The following ALDH3B1 variants were observed in gnomAD, a reference collection of about 807,000 sequenced individuals.
The protein encoded by ALDH3B1 is aldehyde dehydrogenase 3 family member B1, also known as aldehyde dehydrogenase family 3 member B1.
A neutral mutation model predicts 46.2 loss-of-function variants in ALDH3B1; 37 were observed. The observed-to-expected ratio is 0.80, with a 90% CI of 0.62 to 1.05. ALDH3B1 has a LOEUF of 1.05. ALDH3B1 is among the 50% of genes least tolerant of loss of function. ALDH3B1 has a pLI of 0.00. For synonymous variants in ALDH3B1, 283 were observed against 281.0 expected (o/e 1.01, Z -0.07); for missense variants, 603 against 665.5 (o/e 0.91, Z 1.03).
At position 68,027,866 on chromosome 11, in the gene ALDH3B1, C is replaced by T. The variant is rs550673848; in HGVS notation, c.1334C>T (p.Pro445Leu). 23 of 1,561,566 alleles carry T rather than the reference C, an allele frequency of 1.5e-5. No individual in the cohort carries two copies. The highest frequency in any genetic ancestry group is 1.2e-4 in the East Asian group (5 of 41,786). The change falls in exon 10 of 10, where the codon CCG becomes CTG. Residue 445 changes from proline to leucine, a missense_variant. By Grantham distance (98) the Pro-to-Leu change is moderately conservative. Transcript: ENST00000342456. ...AAGCTCAACGCCCTCCGCTACCCGC[C>T]GCAATCGCCGCGCCGCCTGAGGATG... Reference protein sequence around the residue: ...MEKLNALRYPPQSPRRLRMLL... With the variant: ...MEKLNALRYPLQSPRRLRMLL...
intron 2 of ALDH3B1, 162 bp from the exon 3 acceptor site, chr11:68,018,365 C>T: frequency 1.6e-6 from 1 of 637,686 alleles, no homozygotes; most frequent in Non-Finnish European, 2.7e-6. Context: ...ACAGAGACAG[C>T]ACCTCACACA....
At chr11:68,020,320 G>A (rs977588578) in intron 6 of ALDH3B1, among the ~76,000 whole-genome samples, 5 of 152,000 alleles carry the variant, frequency 3.3e-5, no homozygotes, top group Non-Finnish European at 5.9e-5. Context: ...CAACCTCTGC[G>A]CCTCCTGGGT....
intron 8 of ALDH3B1, among the ~76,000 whole-genome samples, chr11:68,025,617 C>T (rs775048113): frequency 1.3e-5 from 2 of 152,182 alleles, no homozygotes; most frequent in Non-Finnish European, 2.9e-5. Context: ...TTCTGTCCCT[C>T]CCAGTCCCTC....
At chr11:68,014,622 G>A (rs1239130944) in intron 1 of ALDH3B1, among the ~76,000 whole-genome samples, 1 of 152,124 alleles carries the variant, frequency 6.6e-6, no homozygotes, top group Non-Finnish European at 1.5e-5. Context: ...CCACAGCCCC[G>A]GCAGGGTGGG....
At chr11:68,014,403 G>A (rs745662059) in intron 1 of ALDH3B1, among the ~76,000 whole-genome samples, 4 of 152,232 alleles carry the variant, frequency 2.6e-5, no homozygotes, top group Non-Finnish European at 4.4e-5. Context: ...AGGGAAGGAG[G>A]AAAGGGTCAC....
In ALDH3B1 at chr11:68,018,801, G is replaced by A. The variant is rs754742795; in HGVS notation, c.302G>A (p.Arg101Gln). Residue 101 changes from arginine to glutamine, a missense_variant, in exon 4 of 10, where the codon CGG becomes CAG. Arg to Gln is a conservative substitution (Grantham distance 43). Transcript: ENST00000342456. ...ACGCAGCTGGACTCCGCCTTCATCC[G>A]GAAGGAGCCCTTTGGCCTGGTCCTC... ...LATQLDSAFI[R>Q]KEPFGLVLII... The A allele has an allele frequency of 3.2e-5, 50 of 1,559,134 alleles. No homozygotes were observed. The South Asian group carries it at 4.6e-4, about 14-fold the overall frequency.
intron 6 of ALDH3B1, 78 bp from the exon 7 acceptor site, chr11:68,021,407 A>AG (rs1590778545): frequency 1.3e-6 from 2 of 1,542,026 alleles, no homozygotes; most frequent in East Asian, 4.5e-5. Context: ...CTCTCCAGGG[A>AG]GGAGCGGGGC....
chr11:68,021,529 C>T lies in ALDH3B1; in HGVS notation c.607C>T (p.His203Tyr), dbSNP rs1857492360. The stretch of plus-strand genomic sequence containing the variant: ...GATTGTTATGACTGCTGCCGCCAAG[C>T]ACCTGACACCTGTCACCCTGGAGCT... Reference protein sequence around the residue: ...GKIVMTAAAKHLTPVTLELGG... With the variant: ...GKIVMTAAAKYLTPVTLELGG... Residue 203 changes from histidine (H) to tyrosine (Y), a missense_variant, in exon 7 of 10, where the codon CAC (histidine) becomes TAC (tyrosine). Physicochemically the swap from His to Tyr is moderately conservative, Grantham distance 83. Transcript: ENST00000342456. 1 of 1,613,922 alleles carries T rather than the reference C, an allele frequency of 6.2e-7. No homozygotes were observed. Among genetic ancestry groups the T allele is most frequent in the East Asian group, 2.2e-5 (1 of 44,890 alleles).
At chr11:68,022,959 C>T (rs1402836242) in intron 8 of ALDH3B1, among the ~76,000 whole-genome samples, 198 bp downstream of exon 8, 1 of 152,216 alleles carries the variant, frequency 6.6e-6, no homozygotes, top group African/African-American at 2.4e-5. Context: ...CCCCACTCTC[C>T]TAGGCCTTCA....
chr11:68,013,002 C>T (rs1481918510), intron 1 of ALDH3B1, among the ~76,000 whole-genome samples: 1 of 152,028 alleles, frequency 6.6e-6, no homozygotes, highest in African/African-American at 2.4e-5. Context: ...CTTACAACCT[C>T]ACACTGTGGG....
upstream of ALDH3B1, among the ~76,000 whole-genome samples, chr11:68,009,013 A>C (rs1379198364): frequency 1.3e-5 from 2 of 152,286 alleles, no homozygotes; most frequent in South Asian, 4.1e-4. Flanking sequence ...GATCGGGACT[A>C]CAGGAACCAC....
At chr11:68,018,950 A>G in intron 4 of ALDH3B1, 57 bp downstream of exon 4, 1 of 1,523,220 alleles carries the variant, frequency 6.6e-7, no homozygotes. Context: ...CCTCAGGGCC[A>G]CCCATGGATC....
rs752017086 is a variant in ALDH3B1 at position 68,018,758 on chromosome 11, C to T, written c.274-15C>T. The T allele has an allele frequency of 2.3e-5, 36 of 1,551,034 alleles. No individual in the cohort carries two copies. Among genetic ancestry groups the T allele is most frequent in the South Asian group, 2.0e-4 (17 of 84,080 alleles). On this transcript the variant is annotated splice_polypyrimidine_tract_variant and intron_variant, in intron 3 of 9. Coordinates refer to ENST00000342456, the MANE Select transcript of ALDH3B1 (RefSeq NM_000694.4). Reference sequence around the variant, plus strand: ...GGTGCTGAGCACTTAATTTCATCCCCGGCTCCCGGCCCAGGCCACGCAGCT... The same window carrying T: ...GGTGCTGAGCACTTAATTTCATCCCTGGCTCCCGGCCCAGGCCACGCAGCT...
Position 68,019,699 on chromosome 11 carries a change from C to T in ALDH3B1, c.481-16C>T. The T allele has an allele frequency of 6.2e-7, 1 of 1,613,124 alleles. No individual in the cohort carries two copies. Among genetic ancestry groups the T allele is most frequent in the Non-Finnish European group, 8.5e-7 (1 of 1,179,394 alleles). Reference sequence around the variant, plus strand: ...GCTGGGGTCCCAGAAGGAGCCTCACCCATCCCGCCTTGCAGAGCTGCTTTG... The same window carrying T: ...GCTGGGGTCCCAGAAGGAGCCTCACTCATCCCGCCTTGCAGAGCTGCTTTG... On this transcript the variant is annotated splice_polypyrimidine_tract_variant and intron_variant, in intron 5 of 9. Transcript: ENST00000342456.
chr11:68,015,116 A>G (rs1307491870), intron 1 of ALDH3B1, 181 bp from the exon 2 acceptor site: 14 of 587,462 alleles, frequency 2.4e-5, no homozygotes, highest in Non-Finnish European at 4.0e-5. Context: ...AAGGGGTTGC[A>G]GGCAGCCTCA....
rs773376825 is a variant in ALDH3B1 at position 68,018,600 on chromosome 11, G to A, written c.236G>A (p.Arg79Gln). ...GTCACCCTGGCCCTCAGGAACCTCC[G>A]GGCCTGGATGAAGGACGAGCGTGTG... ...GEVTLALRNLRAWMKDERVPK... is the reference protein window; with the variant it reads ...GEVTLALRNLQAWMKDERVPK... Residue 79 changes from arginine to glutamine, a missense_variant, in exon 3 of 10, where the codon CGG (arginine) becomes CAG (glutamine). By Grantham distance (43) the Arg-to-Gln change is conservative. Transcript: ENST00000342456. 16 of 1,582,252 alleles carry A rather than the reference G, an allele frequency of 1.0e-5. No individual in the cohort carries two copies. The highest frequency in any genetic ancestry group is 3.5e-5 in the South Asian group (3 of 86,348).
At chr11:68,022,795 G>T in intron 8 of ALDH3B1, 34 bp downstream of exon 8, 1 of 1,611,990 alleles carries the variant, frequency 6.2e-7, no homozygotes, top group Non-Finnish European at 8.5e-7. Context: ...AGGGTCAGGA[G>T]CCCGCAGTGG....
chr11:68,027,999 G>C lies in ALDH3B1; in HGVS notation c.*60G>C. On this transcript the variant is annotated 3_prime_UTR_variant, in exon 10 of 10. Transcript: ENST00000342456. ...ACAGCTGTCGCCTGCGGCTGGTGGA[G>C]ACGGGGCCTGGGCTCCCGGGCCCGA... 6.4e-7 allele frequency: 1 copy of C among 1,563,274 alleles called. No individual in the cohort carries two copies. The highest frequency in any genetic ancestry group is 8.6e-7 in the Non-Finnish European group (1 of 1,161,292).
rs373251331 is a variant in ALDH3B1 at position 68,013,006 on chromosome 11, C to A, written c.-1-2291C>A. 2.5e-4 allele frequency among the ~76,000 whole-genome samples: 38 copies of A among 152,162 alleles called. No individual in the cohort carries two copies. In the South Asian group the frequency reaches 7.7e-3, roughly 31 times the overall value. On this transcript the variant is annotated intron_variant, in intron 1 of 9. Coordinates refer to ENST00000342456, the MANE Select transcript of ALDH3B1 (RefSeq NM_000694.4). ...GGATCACACTCCTTACAACCTCACA[C>A]TGTGGGATGAGTGCCGCGGGGGTGG...
Sources: gnomAD v4.1 joint callset for allele counts (sites outside exome capture counted in the v4.1 genomes callset) on GRCh38, gnomAD v4.1.1 for gene constraint, MANE v1.5 for transcripts, NCBI Gene and HGNC (gene_info 2026-07-23, HGNC 2026-07-21) for gene names.